The following RAC1 variants were observed in gnomAD, a reference collection of about 807,000 sequenced individuals.
RAC1 encodes the protein ras-related C3 botulinum toxin substrate 1.
In RAC1, 2 loss-of-function variants were observed where a neutral mutation model predicts 25.2. That is an observed-to-expected ratio of 0.08 (90% CI 0.03 to 0.25). The LOEUF (loss-of-function observed/expected upper bound fraction) is 0.25, where lower values mean the gene tolerates loss of function less well. Ranked by LOEUF, RAC1 falls within the 10% of genes least tolerant of loss-of-function variation. The probability of loss-of-function intolerance (pLI) is 1.00; values close to 1 mark genes in which losing one functional copy is unlikely to be tolerated. For synonymous variants in RAC1, 88 were observed against 94.0 expected (o/e 0.94, Z 0.37); for missense variants, 50 against 235.7 (o/e 0.21, Z 5.16).
intron 1 of RAC1, among the ~76,000 whole-genome samples, chr7:6,375,389 A>G (rs954850274): frequency 5.3e-5 from 8 of 151,830 alleles, no homozygotes; most frequent in African/African-American, 1.5e-4. Flanking sequence ...ACGCCTGGCT[A>G]ATCTTTAAAA....
intron 3 of RAC1, chr7:6,398,672 C>G: frequency 6.2e-7 from 1 of 1,613,812 alleles, no homozygotes; most frequent in Non-Finnish European, 8.5e-7. Context: ...GTTGGAGAAA[C>G]GTACGGTAAG....
At chr7:6,395,809 T>C (rs1039501726) in intron 3 of RAC1, among the ~76,000 whole-genome samples, 3 of 152,256 alleles carry the variant, frequency 2.0e-5, no homozygotes, top group African/African-American at 7.2e-5. Flanking sequence ...AGAATGTCTG[T>C]GTGTTTTAAA....
intron 2 of RAC1, among the ~76,000 whole-genome samples, chr7:6,388,503 C>G (rs764140284): frequency 1.3e-5 from 2 of 151,976 alleles, no homozygotes; most frequent in Non-Finnish European, 2.9e-5. Flanking sequence ...CACCACCACA[C>G]CTGGCTAATT....
rs1163513848 is a variant in RAC1 at position 6,402,921 on chromosome 7, G to A, written c.*475G>A. On this transcript the variant is annotated 3_prime_UTR_variant, in exon 6 of 6. Transcript: ENST00000348035. ...GATGCGTAAAGCAGAACAGCCTCCC[G>A]AATGAAGCGTTGCCATTGAACTCAC... is the stretch of plus-strand genomic sequence containing the variant. 4 of 191,450 alleles carry A rather than the reference G, an allele frequency of 2.1e-5. No individual in the cohort carries two copies. Among genetic ancestry groups the A allele is most frequent in the African/African-American group, 7.0e-5 (3 of 42,972 alleles). 11.9% of individuals were successfully genotyped at this position (191,450 alleles called of 1,614,324 possible).
intron 2 of RAC1, among the ~76,000 whole-genome samples, chr7:6,389,095 A>G (rs774838777): frequency 6.6e-6 from 1 of 151,964 alleles, no homozygotes; most frequent in Non-Finnish European, 1.5e-5. Context: ...CCAGCTACTC[A>G]GGAGGCTGAG....
Position 6,402,948 on chromosome 7 carries a change from A to C in RAC1, c.*502A>C, listed in dbSNP as rs988589302. 3.7e-5 allele frequency: 7 copies of C among 190,708 alleles called. No individual in the cohort carries two copies. 11.8% of individuals were successfully genotyped at this position (190,708 alleles called of 1,614,324 possible). ...ATGAAGCGTTGCCATTGAACTCACC[A>C]GTGAGTTAGCAGCACGTGTTCCCGA... On this transcript the variant is annotated 3_prime_UTR_variant, in exon 6 of 6. Transcript: ENST00000348035.
At chr7:6,375,280 G>A (rs1466079736) in intron 1 of RAC1, among the ~76,000 whole-genome samples, 1 of 152,012 alleles carries the variant, frequency 6.6e-6, no homozygotes, top group Non-Finnish European at 1.5e-5. Flanking sequence ...TTCATAGACG[G>A]GGTCTCGCTG....
intron 3 of RAC1, 109 bp from the exon 4 acceptor site, chr7:6,400,017 A>C: frequency 1.0e-6 from 1 of 990,706 alleles, no homozygotes; most frequent in Non-Finnish European, 1.6e-6. Flanking sequence ...CACCACTGGT[A>C]GACACGCTCT....
rs116739057 is a variant in RAC1, at chr7:6,380,665, C to T, written c.35+5895C>T. Among the ~76,000 whole-genome samples the T allele has an allele frequency of 1.8e-3, 268 of 152,250 alleles. 1 individual carries two copies. The highest frequency in any genetic ancestry group is 5.9e-3 in the African/African-American group (244 of 41,534). ...GCATGTGATCAGTAGGAATATTTTCCTGCAATGTCTTAATATGAAAAATTT... is the reference window on the plus strand; with the variant it reads ...GCATGTGATCAGTAGGAATATTTTCTTGCAATGTCTTAATATGAAAAATTT... On this transcript the variant is annotated intron_variant, in intron 1 of 5. Transcript: ENST00000348035.
At chr7:6,399,605 G>C (rs1047792287) in intron 3 of RAC1, among the ~76,000 whole-genome samples, 1 of 152,226 alleles carries the variant, frequency 6.6e-6, no homozygotes, top group African/African-American at 2.4e-5. Flanking sequence ...GTTGTCAGCT[G>C]TGAAGGTGCC....
chr7:6,395,650 CCTT>C (rs1327093535), intron 3 of RAC1, among the ~76,000 whole-genome samples: 2 of 152,146 alleles, frequency 1.3e-5, no homozygotes, highest in Non-Finnish European at 2.9e-5. Context: ...ACACAGGTGA[CCTT>C]CTCTGATGTT....
At chr7:6,397,895 A>C (rs1315727821) in intron 3 of RAC1, among the ~76,000 whole-genome samples, 1 of 152,164 alleles carries the variant, frequency 6.6e-6, no homozygotes, top group Non-Finnish European at 1.5e-5. Context: ...AGGCTAAGGC[A>C]GGAGAATCGC....
intron 3 of RAC1, among the ~76,000 whole-genome samples, chr7:6,399,366 C>G (rs1026361976): frequency 6.6e-6 from 1 of 152,216 alleles, no homozygotes; most frequent in African/African-American, 2.4e-5. Flanking sequence ...TTTTAGAAAT[C>G]TAGCATTTTA....
At chr7:6,391,088 A>C in intron 2 of RAC1, among the ~76,000 whole-genome samples, 1 of 151,966 alleles carries the variant, frequency 6.6e-6, no homozygotes, top group African/African-American at 2.4e-5. Flanking sequence ...AGTAGACACA[A>C]AGTTTCGTCA....
At chr7:6,400,026 C>T (rs1783351134) in intron 3 of RAC1, 100 bp from the exon 4 acceptor site, 2 of 1,073,004 alleles carry the variant, frequency 1.9e-6, no homozygotes, top group South Asian at 1.3e-5. Context: ...TAGACACGCT[C>T]TGCGTCCAAC....
Position 6,403,586 on chromosome 7 carries a change from C to T in RAC1, c.*1140C>T. ...AACTAGGTGTAAAAATCATGTGTTG[C>T]AGCTTTATAGTTTTTAAAATATTTT... On this transcript the variant is annotated 3_prime_UTR_variant, in exon 6 of 6. Coordinates refer to ENST00000348035, the MANE Select transcript of RAC1 (RefSeq NM_006908.5). The T allele has an allele frequency of 4.6e-6, 1 of 217,094 alleles. No individual in the cohort carries two copies. The allele number at this position is 217,094 out of a possible 1,614,324, so 13.4% of individuals were successfully genotyped here.
intron 2 of RAC1, among the ~76,000 whole-genome samples, chr7:6,389,942 C>CCTCCCTCT (rs1783039511): frequency 6.8e-6 from 1 of 146,774 alleles, no homozygotes; most frequent in Admixed American, 6.9e-5. Context: ...TCCTTCCCTC[C>CCTCCCTCT]CTCCCTCTCT....
intron 2 of RAC1, among the ~76,000 whole-genome samples, chr7:6,389,336 A>G (rs890543823): frequency 6.6e-6 from 1 of 152,008 alleles, no homozygotes. Flanking sequence ...GGTTGAAGTT[A>G]TCTAACCGTT....
intron 3 of RAC1, among the ~76,000 whole-genome samples, chr7:6,398,924 T>C (rs1432881976): frequency 6.6e-6 from 1 of 152,214 alleles, no homozygotes; most frequent in Admixed American, 6.5e-5. Flanking sequence ...GTTTGTGAAC[T>C]GTGATCTTCT....
Sources: allele counts gnomAD v4.1 joint callset (sites outside exome capture counted in the v4.1 genomes callset), GRCh38; gene constraint gnomAD v4.1.1; transcripts MANE v1.5; gene names NCBI Gene and HGNC (gene_info 2026-07-23, HGNC 2026-07-21).